Variants in AUTS2 observed in about 807,000 individuals in gnomAD.
The protein encoded by AUTS2 is autism susceptibility gene 2 protein.
AUTS2 carries 17 observed loss-of-function variants against 112.4 expected under a neutral mutation model. The observed-to-expected ratio is 0.15, with a 90% confidence interval of 0.10 to 0.23. The LOEUF (loss-of-function observed/expected upper bound fraction) is 0.23. Among genes scored for constraint, AUTS2 ranks in the 10% least tolerant of loss-of-function variants. The pLI is 1.00. For synonymous variants in AUTS2, 751 were observed against 702.7 expected, an observed-to-expected ratio of 1.07 and a Z score of -1.09; for missense variants, 1,510 against 1,701.6, an observed-to-expected ratio of 0.89 and a Z score of 1.98.
At position 69,599,631 on chromosome 7, in the gene AUTS2, G is replaced by T; in HGVS notation, c.-23G>T. 1 of 1,275,768 alleles carries T rather than the reference G, an allele frequency of 7.8e-7. No homozygotes were observed. The allele number at this position is 1,275,768 out of a possible 1,614,324, so 79.0% of individuals were successfully genotyped here. ...GCCGTAGCCTGTGGCGGGCAAGCGG[G>T]GAGACCCCGGCGCAGCAGAACCATG... On this transcript the variant is annotated 5_prime_UTR_variant, in exon 1 of 19. Transcript: ENST00000342771. This position sits in a 1 kb window ranked among gnomAD's most constrained non-coding sequence, Gnocchi z 7.0.
At chr7:69,665,889 T>G (rs1437946230) in intron 1 of AUTS2, among the ~76,000 whole-genome samples, 4 of 152,176 alleles carry the variant, frequency 2.6e-5, no homozygotes. Flanking sequence ...TTTCTATTAT[T>G]GTGTGAAGTT....
chr7:69,773,504 CCTTTGGCTTGGGGAAA>C (rs1423244990), intron 1 of AUTS2, among the ~76,000 whole-genome samples: 4 of 151,100 alleles, frequency 2.6e-5, no homozygotes, highest in Non-Finnish European at 4.4e-5. Context: ...TTTCCCCAAG[CCTTTGGCTTGGGGAAA>C]GGGTGGGCTA....
intron 5 of AUTS2, among the ~76,000 whole-genome samples, chr7:70,581,758 TA>T (rs1404892803): frequency 1.3e-5 from 2 of 152,340 alleles, no homozygotes; most frequent in East Asian, 1.9e-4. Flanking sequence ...TCCCTGACTA[TA>T]AAAGAGACTC....
intron 6 of AUTS2, among the ~76,000 whole-genome samples, chr7:70,749,237 G>A (rs775131454): frequency 2.0e-5 from 3 of 152,148 alleles, no homozygotes; most frequent in Non-Finnish European, 4.4e-5. Flanking sequence ...AGAAGGATCC[G>A]CAGCCTTATG....
intron 5 of AUTS2, among the ~76,000 whole-genome samples, chr7:70,448,479 A>G (rs371641937): frequency 1.3e-5 from 2 of 152,266 alleles, no homozygotes; most frequent in South Asian, 4.1e-4. Context: ...AAGCACACAC[A>G]TTGATCTTCC....
intron 2 of AUTS2, among the ~76,000 whole-genome samples, chr7:69,982,852 G>T (rs1367964338): frequency 1.3e-5 from 2 of 152,240 alleles, no homozygotes; most frequent in Non-Finnish European, 2.9e-5. Context: ...CTTCATTGCA[G>T]TGACTGCCAT....
chr7:69,899,072 G>A (rs1487259709), intron 1 of AUTS2, among the ~76,000 whole-genome samples: 2 of 152,178 alleles, frequency 1.3e-5, no homozygotes, highest in East Asian at 3.8e-4. Context: ...TTTCTGCCCA[G>A]TAATAATAGA....
intron 2 of AUTS2, among the ~76,000 whole-genome samples, chr7:69,945,136 C>G (rs1353537629): frequency 1.3e-5 from 2 of 152,012 alleles, no homozygotes; most frequent in Non-Finnish European, 2.9e-5. Context: ...CATAAAATTC[C>G]ACTAATTTAA....
chr7:69,981,576 C>G (rs1317153462), intron 2 of AUTS2, among the ~76,000 whole-genome samples: 1 of 152,028 alleles, frequency 6.6e-6, no homozygotes, highest in African/African-American at 2.4e-5. Flanking sequence ...TTTTATATCC[C>G]ATTATAACCA....
chr7:70,763,060 G>A lies in AUTS2; in HGVS notation c.933G>A (p.Thr311=), dbSNP rs1464933744. The A allele has an allele frequency of 1.1e-5, 17 of 1,613,948 alleles. No homozygotes were observed. The highest frequency in any genetic ancestry group is 7.7e-5 in the South Asian group (7 of 91,076). The change falls in exon 7 of 19, where the codon ACG becomes ACA. Residue 311 remains threonine (T), a synonymous_variant. Coordinates refer to ENST00000342771, the MANE Select transcript of AUTS2 (RefSeq NM_015570.4). ...QVAQPIPQPQ[T]EPQLRAPSPD... is the part of the protein sequence containing the mutation. ...CACAGCCAATACCCCAGCCGCAGACGGAGCCCCAACTCCGAGCTCCTTCTC... is the reference window on the plus strand; with the variant it reads ...CACAGCCAATACCCCAGCCGCAGACAGAGCCCCAACTCCGAGCTCCTTCTC...
chr7:69,783,079 G>A (rs1789211927), intron 1 of AUTS2, among the ~76,000 whole-genome samples: 1 of 146,626 alleles, frequency 6.8e-6, no homozygotes, highest in East Asian at 2.0e-4. Context: ...TCAAGAGGGT[G>A]CTGCTCATCT....
intron 1 of AUTS2, among the ~76,000 whole-genome samples, chr7:69,816,580 A>G (rs527432070): frequency 4.5e-4 from 69 of 152,302 alleles, no homozygotes; most frequent in Non-Finnish European, 7.1e-4. Flanking sequence ...TCATGGTACT[A>G]ATATCTTGGA....
At chr7:69,695,094 G>C (rs908369235) in intron 1 of AUTS2, among the ~76,000 whole-genome samples, 3 of 152,056 alleles carry the variant, frequency 2.0e-5, no homozygotes, top group African/African-American at 7.2e-5. Context: ...AGGCTGAGGT[G>C]GGAGGATTGC....
chr7:70,280,182 C>A (rs1439575857), intron 4 of AUTS2, among the ~76,000 whole-genome samples: 1 of 152,130 alleles, frequency 6.6e-6, no homozygotes, highest in African/African-American at 2.4e-5. Context: ...CTCATCTTGT[C>A]CCTCACCTCA....
chr7:70,542,429 C>T (rs1194426360), intron 5 of AUTS2, among the ~76,000 whole-genome samples: 4 of 152,182 alleles, frequency 2.6e-5, no homozygotes, highest in Non-Finnish European at 2.9e-5. Context: ...AGAGCAGAGA[C>T]ACTACACAAG....
At chr7:69,958,160 A>G (rs140764164) in intron 2 of AUTS2, among the ~76,000 whole-genome samples, 63 of 152,300 alleles carry the variant, frequency 4.1e-4, no homozygotes, top group African/African-American at 1.4e-3. Flanking sequence ...TTGGCAAACT[A>G]TAGCCCACCG....
intron 4 of AUTS2, among the ~76,000 whole-genome samples, chr7:70,338,669 A>G (rs1256067271): frequency 1.3e-5 from 2 of 152,096 alleles, no homozygotes; most frequent in East Asian, 1.9e-4. Flanking sequence ...TCATTTCGGT[A>G]TCTTTTGGCA....
rs75148821 is a variant in AUTS2 at position 70,475,523 on chromosome 7, C to T, written c.690+39742C>T. Among the ~76,000 whole-genome samples the T allele has an allele frequency of 3.3e-4, 50 of 152,290 alleles. 1 individual carries two copies. In the East Asian group the frequency reaches 9.1e-3, roughly 28 times the overall value. ...ACATCTTCTACTTGGTTATTTCCCC[C>T]ACAGCATTCGATCACTTATAAACTG... On this transcript the variant is annotated intron_variant, in intron 5 of 18. Coordinates refer to ENST00000342771, the MANE Select transcript of AUTS2 (RefSeq NM_015570.4).
chr7:70,750,169 G>A (rs1788712987), intron 6 of AUTS2, among the ~76,000 whole-genome samples: 1 of 152,136 alleles, frequency 6.6e-6, no homozygotes, highest in Admixed American at 6.6e-5. Flanking sequence ...GTAACTTGGA[G>A]CCTTTCTTTG....
Sources: allele counts gnomAD v4.1 joint callset (sites outside exome capture counted in the v4.1 genomes callset), GRCh38; gene constraint gnomAD v4.1.1; non-coding constraint Gnocchi (gnomAD v3.1); transcripts MANE v1.5; gene names NCBI Gene and HGNC (gene_info 2026-07-23, HGNC 2026-07-21).